Variants in PTPN22 observed in about 807,000 individuals in gnomAD.
PTPN22 encodes tyrosine-protein phosphatase non-receptor type 22.
Under a neutral mutation model 103.3 loss-of-function variants are expected in PTPN22, and 85 were observed. The observed-to-expected ratio is 0.82, with a 90% CI of 0.69 to 0.99. PTPN22 has a LOEUF of 0.99. Among genes scored for constraint, PTPN22 ranks in the 50% least tolerant of loss-of-function variants. The pLI, the probability that PTPN22 is intolerant of heterozygous loss-of-function variation, is 0.00. For synonymous variants in PTPN22, 323 were observed against 310.2 expected (o/e 1.04, Z -0.43); for missense variants, 865 against 936.9 (o/e 0.92, Z 1.00).
chr1:113,857,813 A>G, intron 4 of PTPN22, 37 bp from the exon 5 acceptor site: 3 of 1,570,004 alleles, frequency 1.9e-6, no homozygotes, highest in Middle Eastern at 1.7e-4. Context: ...AAACATTCAT[A>G]TATAGTTAGA....
intron 10 of PTPN22, among the ~76,000 whole-genome samples, chr1:113,851,626 C>T (rs866485624): frequency 1.1e-4 from 17 of 152,236 alleles, no homozygotes; most frequent in Middle Eastern, 3.4e-3. Flanking sequence ...TTACCACATC[C>T]TGGGTAGAAA....
intron 19 of PTPN22, among the ~76,000 whole-genome samples, chr1:113,820,519 T>A (rs964938770): frequency 1.3e-5 from 2 of 152,174 alleles, no homozygotes; most frequent in African/African-American, 4.8e-5. Context: ...AGCATTGTTA[T>A]GCTGCTTTGT....
intron 17 of PTPN22, 52 bp from the exon 18 acceptor site, chr1:113,829,759 C>T (rs765078961): frequency 5.3e-6 from 7 of 1,309,154 alleles, no homozygotes; most frequent in Non-Finnish European, 7.5e-6. Context: ...CTTCTTAAGC[C>T]TTCATGTTAC....
chr1:113,862,385 CTG>C (rs1665691686), intron 1 of PTPN22, among the ~76,000 whole-genome samples: 2 of 152,122 alleles, frequency 1.3e-5, no homozygotes, highest in South Asian at 4.1e-4. Context: ...AAACCAGATT[CTG>C]TGTGTGCTTG....
intron 16 of PTPN22, among the ~76,000 whole-genome samples, chr1:113,831,716 C>T (rs1258935124): frequency 1.3e-5 from 2 of 152,174 alleles, no homozygotes; most frequent in African/African-American, 2.4e-5. Flanking sequence ...TTCCACTCAG[C>T]GAAACCTTTC....
chr1:113,853,385 T>G (rs2102074534), intron 9 of PTPN22, among the ~76,000 whole-genome samples: 1 of 151,276 alleles, frequency 6.6e-6, no homozygotes, highest in Admixed American at 6.6e-5. Context: ...ACTTTCACTT[T>G]TGTTGCCCAA....
At position 113,814,850 on chromosome 1, in the gene PTPN22, T is replaced by C; in HGVS notation, c.*55A>G. ...CTTATTTTAACTAGCAGTATTCTAG[T>C]AGTTTTATTTGCAGGTGTACTTGCA... On this transcript the variant is annotated 3_prime_UTR_variant, in exon 21 of 21. Coordinates refer to ENST00000359785, the Ensembl canonical transcript of PTPN22. The C allele has an allele frequency of 2.4e-6, 3 of 1,255,816 alleles. No individual in the cohort carries two copies. The South Asian group carries it at 3.6e-5, about 15-fold the overall frequency. 77.8% of individuals were successfully genotyped at this position (1,255,816 alleles called of 1,614,324 possible).
At chr1:113,851,458 T>G (rs2102061677) in intron 10 of PTPN22, among the ~76,000 whole-genome samples, 1 of 152,166 alleles carries the variant, frequency 6.6e-6, no homozygotes, top group East Asian at 1.9e-4. Context: ...CCGGCCCAAT[T>G]ATGTTTTTTC....
At chr1:113,828,335 T>G (rs1303097859) in intron 18 of PTPN22, among the ~76,000 whole-genome samples, 1 of 152,210 alleles carries the variant, frequency 6.6e-6, no homozygotes, top group Non-Finnish European at 1.5e-5. Flanking sequence ...TCCCAGGTTG[T>G]AAAAGACTCT....
chr1:113,859,155 A>C, intron 2 of PTPN22, 77 bp from the exon 3 acceptor site: 1 of 1,588,084 alleles, frequency 6.3e-7, no homozygotes, highest in Non-Finnish European at 8.6e-7. Flanking sequence ...AACACTGTGA[A>C]TAGTGTATGC....
At chr1:113,826,293 C>T (rs531515838) in intron 18 of PTPN22, among the ~76,000 whole-genome samples, 29 of 151,732 alleles carry the variant, frequency 1.9e-4, no homozygotes, top group Admixed American at 4.6e-4. Flanking sequence ...TGCAGTCAGC[C>T]ATATTTATGC....
chr1:113,858,428 T>C (rs1161386725), intron 4 of PTPN22, 50 bp downstream of exon 4: 1 of 1,360,750 alleles, frequency 7.3e-7, no homozygotes, highest in Non-Finnish European at 1.0e-6. Context: ...TTAAAAGCAC[T>C]GTTTTTAATA....
chr1:113,847,898 G>A (rs962832015), intron 11 of PTPN22, among the ~76,000 whole-genome samples: 4 of 151,360 alleles, frequency 2.6e-5, no homozygotes, highest in African/African-American at 4.9e-5. Flanking sequence ...CACTGCACCC[G>A]GCCATTTGGA....
At chr1:113,864,111 C>G in intron 1 of PTPN22, 1 of 361,366 alleles carries the variant, frequency 2.8e-6, no homozygotes, top group Non-Finnish European at 5.5e-6. Context: ...AACTCCATCT[C>G]AAAACAGACA....
intron 1 of PTPN22, among the ~76,000 whole-genome samples, chr1:113,871,215 A>G (rs943597680): frequency 2.6e-5 from 4 of 152,162 alleles, no homozygotes; most frequent in Non-Finnish European, 5.9e-5. Flanking sequence ...TAAAGCATAA[A>G]CCACAACTTA....
At chr1:113,858,514 C>G (rs773834555) in exon 4 of PTPN22, 1 of 1,606,776 alleles carries the variant, frequency 6.2e-7, no homozygotes, top group South Asian at 1.1e-5. Context: ...TCCAGAAGTC[C>G]AGGAGGGTTG....
chr1:113,821,317 G>C lies in PTPN22; in HGVS notation c.2282-1663C>G, dbSNP rs780246230. On this transcript the variant is annotated intron_variant, in intron 19 of 20. Coordinates refer to ENST00000359785, the Ensembl canonical transcript of PTPN22. Reference sequence around the variant, plus strand: ...GGATTTTTTTGTTTTGTTTTGTTTTGTTTGTTTGTTTTGGGGTTTTTTTTG... The same window carrying C: ...GGATTTTTTTGTTTTGTTTTGTTTTCTTTGTTTGTTTTGGGGTTTTTTTTG... Among the ~76,000 whole-genome samples, 27 of 151,884 alleles carry C rather than the reference G, an allele frequency of 1.8e-4. No homozygotes were observed. The Middle Eastern group carries it at 0.014, about 77-fold the overall frequency.
At chr1:113,832,293 T>G (rs1475157521) in intron 16 of PTPN22, among the ~76,000 whole-genome samples, 1 of 152,158 alleles carries the variant, frequency 6.6e-6, no homozygotes, top group African/African-American at 2.4e-5. Context: ...GTTCAAGCGA[T>G]TCTCCTGCCT....
At chr1:113,839,057 GC>G (rs1251742613) in intron 11 of PTPN22, among the ~76,000 whole-genome samples, 2 of 152,052 alleles carry the variant, frequency 1.3e-5, no homozygotes, top group Non-Finnish European at 2.9e-5. Flanking sequence ...ACTTTAGCAT[GC>G]CAAACTTATT....
Sources: gnomAD v4.1 joint callset for allele counts (sites outside exome capture counted in the v4.1 genomes callset) on GRCh38, gnomAD v4.1.1 for gene constraint, MANE v1.5 for transcripts, NCBI Gene and HGNC (gene_info 2026-07-23, HGNC 2026-07-21) for gene names.